The following ROBO2 variants were observed in gnomAD, a reference collection of about 807,000 sequenced individuals.
The protein encoded by ROBO2 is roundabout homolog 2.
In ROBO2, 53 loss-of-function variants were observed where a neutral mutation model predicts 160.8. The observed-to-expected ratio is 0.33, with a 90% CI of 0.26 to 0.41. ROBO2 has a LOEUF of 0.41. ROBO2 is among the 10% of genes least tolerant of loss of function. ROBO2 has a pLI of 1.00. For synonymous variants in ROBO2, 664 were observed against 611.7 expected (o/e 1.09, Z -1.26); for missense variants, 1,577 against 1,722.4 (o/e 0.92, Z 1.49).
intron 2 of ROBO2, among the ~76,000 whole-genome samples, chr3:76,244,856 C>T (rs907387455): frequency 6.6e-6 from 1 of 152,146 alleles, no homozygotes; most frequent in African/African-American, 2.4e-5. Flanking sequence ...ATTCAGACCC[C>T]ATCACTTAAT....
chr3:77,535,537 G>T (rs1400278110), intron 6 of ROBO2, among the ~76,000 whole-genome samples: 1 of 152,032 alleles, frequency 6.6e-6, no homozygotes, highest in African/African-American at 2.4e-5. Flanking sequence ...TCAAAAATGA[G>T]ATCATTTCTT....
At chr3:76,597,576 T>C (rs6803643) in intron 2 of ROBO2, among the ~76,000 whole-genome samples, 147,788 of 152,216 alleles carry the variant, frequency 0.97, 71,905 homozygotes, top group East Asian at 1. Context: ...CCTATCATAA[T>C]AGCTAAAATA....
chr3:76,014,949 A>G lies in ROBO2; in HGVS notation c.109+77347A>G, dbSNP rs1027932151. 2.6e-5 allele frequency among the ~76,000 whole-genome samples: 4 copies of G among 152,314 alleles called. No individual in the cohort carries two copies. The East Asian group carries it at 7.7e-4, about 29-fold the overall frequency. On this transcript the variant is annotated intron_variant, in intron 2 of 26. Transcript: ENST00000487694. ...TCTCTAAAAATAAATAAATAAAGAC[A>G]TACATACATACATAAAAAATAAAGG...
At chr3:75,933,204 A>G (rs1245641104) in intron 1 of ROBO2, among the ~76,000 whole-genome samples, 2 of 152,296 alleles carry the variant, frequency 1.3e-5, no homozygotes, top group South Asian at 2.1e-4. Context: ...AAAAAAATCA[A>G]TGTTAATAAC....
At chr3:76,880,636 T>C (rs1577219560) in intron 2 of ROBO2, among the ~76,000 whole-genome samples, 1 of 152,202 alleles carries the variant, frequency 6.6e-6, no homozygotes, top group East Asian at 1.9e-4. Context: ...ATGATTTTAA[T>C]GTTGGTGGTC....
intron 17 of ROBO2, among the ~76,000 whole-genome samples, chr3:77,589,213 T>C (rs1347180597): frequency 2.1e-5 from 2 of 94,680 alleles, no homozygotes; most frequent in Non-Finnish European, 4.1e-5. Flanking sequence ...TTTGAAATCA[T>C]AAACTCAAAC....
intron 5 of ROBO2, among the ~76,000 whole-genome samples, chr3:77,496,647 AT>A (rs2086824174): frequency 6.6e-6 from 1 of 152,134 alleles, no homozygotes; most frequent in Non-Finnish European, 1.5e-5. Flanking sequence ...TGCTTAACAC[AT>A]TTATACGAAA....
chr3:77,478,397 C>G (rs150269363), intron 3 of ROBO2, among the ~76,000 whole-genome samples: 2 of 152,168 alleles, frequency 1.3e-5, no homozygotes, highest in South Asian at 4.2e-4. Context: ...GAAATCAAAA[C>G]AGCTGACTGA....
At chr3:76,663,681 C>T (rs2091912869) in intron 2 of ROBO2, among the ~76,000 whole-genome samples, 1 of 152,062 alleles carries the variant, frequency 6.6e-6, no homozygotes, top group Non-Finnish European at 1.5e-5. Context: ...AGGCCAGACT[C>T]CAAGTGGAAG....
intron 2 of ROBO2, among the ~76,000 whole-genome samples, chr3:77,374,212 A>G (rs1226193902): frequency 2.7e-5 from 4 of 149,528 alleles, no homozygotes; most frequent in Admixed American, 6.6e-5. Flanking sequence ...AAGCTGGACT[A>G]AAGAAAAAAA....
intron 2 of ROBO2, among the ~76,000 whole-genome samples, chr3:77,154,729 C>T (rs114953581): frequency 0.014 from 2,071 of 152,110 alleles, 17 homozygotes; most frequent in Middle Eastern, 0.034. Context: ...AACATGGATG[C>T]AGCTAGAGGC....
chr3:76,774,268 T>C (rs2062093416), intron 2 of ROBO2, among the ~76,000 whole-genome samples: 1 of 150,922 alleles, frequency 6.6e-6, no homozygotes, highest in Non-Finnish European at 1.5e-5. Context: ...GAAACTCTAA[T>C]TTGCAAGATA....
At chr3:76,307,326 CT>C in intron 2 of ROBO2, among the ~76,000 whole-genome samples, 1 of 152,314 alleles carries the variant, frequency 6.6e-6, no homozygotes. Flanking sequence ...TCTCACTGAA[CT>C]TCACTTTAAT....
intron 2 of ROBO2, among the ~76,000 whole-genome samples, chr3:77,471,116 C>T (rs1333333875): frequency 6.6e-6 from 1 of 152,116 alleles, no homozygotes; most frequent in Non-Finnish European, 1.5e-5. Flanking sequence ...ATCATGTGCA[C>T]ATTGTGGTTT....
chr3:76,129,537 C>T (rs1427563923), intron 2 of ROBO2, among the ~76,000 whole-genome samples: 1 of 152,066 alleles, frequency 6.6e-6, no homozygotes, highest in Non-Finnish European at 1.5e-5. Flanking sequence ...ATATGTAACT[C>T]TACACTTAGG....
chr3:76,699,395 C>T (rs2092999886), intron 2 of ROBO2, among the ~76,000 whole-genome samples: 1 of 151,156 alleles, frequency 6.6e-6, no homozygotes, highest in Admixed American at 6.6e-5. Context: ...TCAGACTTCT[C>T]CAGGCAGGCC....
chr3:76,375,159 G>A (rs555885442), intron 2 of ROBO2, among the ~76,000 whole-genome samples: 24 of 152,018 alleles, frequency 1.6e-4, no homozygotes, highest in African/African-American at 5.8e-4. Flanking sequence ...AAAACTGTGA[G>A]ACTGAAGAAA....
At chr3:77,642,623 T>C in intron 24 of ROBO2, 48 bp from the exon 26 acceptor site, 1 of 430,700 alleles carries the variant, frequency 2.3e-6, no homozygotes, top group Middle Eastern at 3.5e-4. Context: ...AAAACCTGTA[T>C]TTTTCATTAA....
At position 76,457,176 on chromosome 3, in the gene ROBO2, G is replaced by A. The variant is rs1047624491; in HGVS notation, c.109+519574G>A. Among the ~76,000 whole-genome samples the A allele has an allele frequency of 2.0e-4, 31 of 152,114 alleles. 1 individual carries two copies. Among genetic ancestry groups the A allele is most frequent in the Admixed American group, 6.6e-4 (10 of 15,254 alleles). On this transcript the variant is annotated intron_variant, in intron 2 of 26. Coordinates refer to the ROBO2 transcript ENST00000487694. ...TTAACTCAAAAGTCCACAGTCCAAAGTCTCATCTGAGACAAGTCAAGTCCC... is the reference window on the plus strand; with the variant it reads ...TTAACTCAAAAGTCCACAGTCCAAAATCTCATCTGAGACAAGTCAAGTCCC...
Sources: allele counts gnomAD v4.1 joint callset (sites outside exome capture counted in the v4.1 genomes callset), GRCh38; gene constraint gnomAD v4.1.1; transcripts MANE v1.5; gene names NCBI Gene and HGNC (gene_info 2026-07-23, HGNC 2026-07-21).